Variants in DGAT2 observed in about 807,000 individuals in gnomAD.
DGAT2 encodes the protein acyl-CoA retinol O-fatty-acyltransferase.
Under a neutral mutation model 48.4 loss-of-function variants are expected in DGAT2, and 33 were observed. The observed-to-expected ratio is 0.68, with a 90% confidence interval of 0.52 to 0.91. The LOEUF (loss-of-function observed/expected upper bound fraction) is 0.91, where lower values mean the gene tolerates loss of function less well. Among genes scored for constraint, DGAT2 ranks in the 40% least tolerant of loss-of-function variants. The probability of loss-of-function intolerance (pLI) is 0.00; values close to 1 mark genes in which losing one functional copy is unlikely to be tolerated. For missense variants in DGAT2, 446 were observed against 493.7 expected (o/e 0.90, Z 0.92); for synonymous variants, 191 against 194.1 (o/e 0.98, Z 0.13).
chr11:75,777,183 C>A (rs1436067308), intron 1 of DGAT2, among the ~76,000 whole-genome samples: 1 of 151,266 alleles, frequency 6.6e-6, no homozygotes, highest in Non-Finnish European at 1.5e-5. Context: ...GCTGTTCACA[C>A]CTCTCTTAGC....
chr11:75,787,791 C>A (rs912785616), intron 2 of DGAT2, among the ~76,000 whole-genome samples: 1 of 152,160 alleles, frequency 6.6e-6, no homozygotes, highest in Non-Finnish European at 1.5e-5. Context: ...GGAGCTCGGG[C>A]TGAAGGGCTG....
chr11:75,796,869 T>C lies in DGAT2; in HGVS notation c.635-289T>C, dbSNP rs1590876517. On this transcript the variant is annotated intron_variant, in intron 5 of 7. Coordinates refer to ENST00000228027, the MANE Select transcript of DGAT2 (RefSeq NM_032564.5). ...TGAGACCTCCCACCAGACTGATGCA[T>C]TGGGATCCCCAACACCTCGCACCGA... 3 of 444,480 alleles carry C rather than the reference T, an allele frequency of 6.7e-6. No individual in the cohort carries two copies. In the East Asian group the frequency reaches 1.1e-4, roughly 17 times the overall value. The allele number at this position is 444,480 out of a possible 1,614,324, so 27.5% of individuals were successfully genotyped here. A position where few individuals can be genotyped will look rare whatever the true frequency, so the allele number is the denominator to read the frequency against.
At chr11:75,788,362 C>T (rs1423962256) in intron 2 of DGAT2, among the ~76,000 whole-genome samples, 1 of 152,202 alleles carries the variant, frequency 6.6e-6, no homozygotes, top group Non-Finnish European at 1.5e-5. Context: ...TTTTAACAGG[C>T]TCTTGTAGGC....
chr11:75,768,962 C>T lies in DGAT2; in HGVS notation c.-30C>T, dbSNP rs377138674. 1,263 of 1,463,964 alleles carry T rather than the reference C, an allele frequency of 8.6e-4. 2 individuals are homozygous for T. Among genetic ancestry groups the T allele is most frequent in the Non-Finnish European group, 1.1e-3 (1,195 of 1,109,902 alleles). The allele number at this position is 1,463,964 out of a possible 1,614,324, so 90.7% of individuals were successfully genotyped here. On this transcript the variant is annotated 5_prime_UTR_variant, in exon 1 of 8. Transcript: ENST00000228027. ...AGGGGCGCGGGGTGAAGCGGCTTCCCGCGGGGCCGTGACTGGGCGGGCTTC... is the reference window on the plus strand; with the variant it reads ...AGGGGCGCGGGGTGAAGCGGCTTCCTGCGGGGCCGTGACTGGGCGGGCTTC...
At chr11:75,779,031 C>T in intron 1 of DGAT2, among the ~76,000 whole-genome samples, 1 of 152,142 alleles carries the variant, frequency 6.6e-6, no homozygotes, top group Non-Finnish European at 1.5e-5. Flanking sequence ...CTGCTGCCCT[C>T]AGGCATGTGA....
At chr11:75,786,757 C>T (rs1439419016) in intron 2 of DGAT2, among the ~76,000 whole-genome samples, 1 of 152,222 alleles carries the variant, frequency 6.6e-6, no homozygotes, top group Non-Finnish European at 1.5e-5. Context: ...GGCAGAAGCT[C>T]ACCTGGCAAG....
chr11:75,794,143 G>A (rs1945021593), intron 4 of DGAT2: 1 of 152,260 alleles, frequency 6.6e-6, no homozygotes, highest in South Asian at 2.1e-4. Context: ...CATTTGCACA[G>A]ACTGGCAGCG....
chr11:75,792,742 G>GA (rs1399293824), intron 4 of DGAT2: 4 of 151,838 alleles, frequency 2.6e-5, no homozygotes, highest in African/African-American at 9.7e-5. Context: ...AGTGTAGGCA[G>GA]AATCCTTGGA....
intron 1 of DGAT2, among the ~76,000 whole-genome samples, chr11:75,778,394 AAC>A (rs1291365997): frequency 2.0e-5 from 3 of 152,158 alleles, no homozygotes; most frequent in Admixed American, 1.3e-4. Flanking sequence ...CTCTTCTTGT[AAC>A]ACAGACCTGT....
In DGAT2 at chr11:75,768,868, GC is replaced by G. The variant is rs1944726542; in HGVS notation, c.-122del. 1 of 1,249,354 alleles carries G rather than the reference GC, an allele frequency of 8.0e-7. No individual in the cohort carries two copies. The highest frequency in any genetic ancestry group is 1.0e-6 in the Non-Finnish European group (1 of 976,518). The allele number at this position is 1,249,354 out of a possible 1,614,324, so 77.4% of individuals were successfully genotyped here. On this transcript the variant is annotated 5_prime_UTR_variant, in exon 1 of 8. Coordinates refer to ENST00000228027, the MANE Select transcript of DGAT2 (RefSeq NM_032564.5). ...CAGCTCCAGGTGTCCTAGCCGCCCA[GC>G]CTCGACGCCGTCCCGGGACCCCTGT...
chr11:75,797,308 T>C lies in DGAT2; in HGVS notation c.785T>C (p.Phe262Ser). The change falls in exon 6 of 8, where the codon TTT becomes TCT. Residue 262 changes from phenylalanine (F) to serine (S), a missense_variant. By Grantham distance (155) the Phe-to-Ser change is radical (BLOSUM62 -2). Coordinates refer to ENST00000228027, the MANE Select transcript of DGAT2 (RefSeq NM_032564.5). ...NAVTLRNRKGFVKLALRHGAD... is the reference protein window; with the variant it reads ...NAVTLRNRKGSVKLALRHGAD... ...GTCACCCTGCGGAACCGCAAGGGCT[T>C]TGTGAAACTGGCCCTGCGTCATGGG... 6.5e-7 allele frequency: 1 copy of C among 1,532,216 alleles called. No individual in the cohort carries two copies. Among genetic ancestry groups the C allele is most frequent in the African/African-American group, 1.4e-5 (1 of 71,754 alleles). 94.9% of individuals were successfully genotyped at this position (1,532,216 alleles called of 1,614,324 possible). A position where few individuals can be genotyped will look rare whatever the true frequency, so the allele number is the denominator to read the frequency against.
chr11:75,797,324 G>T lies in DGAT2; in HGVS notation c.801G>T (p.Leu267=). 6.7e-7 allele frequency: 1 copy of T among 1,498,404 alleles called. No homozygotes were observed. Among genetic ancestry groups the T allele is most frequent in the East Asian group, 2.5e-5 (1 of 39,236 alleles). The allele number at this position is 1,498,404 out of a possible 1,614,324, so 92.8% of individuals were successfully genotyped here. Residue 267 remains leucine, a synonymous_variant, in exon 6 of 8, where the codon CTG becomes CTT. Transcript: ENST00000228027. The part of the protein sequence containing the change: ...RNRKGFVKLA[L]RHGADLVPIY... ...GCAAGGGCTTTGTGAAACTGGCCCT[G>T]CGTCATGGGTGAGTGCCTCCCTACA...
Position 75,796,533 on chromosome 11 carries a change from G to A in DGAT2, c.634+1G>A. On this transcript the variant is annotated splice_donor_variant, in intron 5 of 7. Coordinates refer to ENST00000228027, the MANE Select transcript of DGAT2 (RefSeq NM_032564.5). LOFTEE classifies it high-confidence loss of function. ...TTGAGGGAGTACCTGATGTCTGGAGGTAAGAATCCACCCCCTGTGCTCCTG... is the reference window on the plus strand; with the variant it reads ...TTGAGGGAGTACCTGATGTCTGGAGATAAGAATCCACCCCCTGTGCTCCTG... 1.9e-6 allele frequency: 3 copies of A among 1,611,504 alleles called. No individual in the cohort carries two copies. Among genetic ancestry groups the A allele is most frequent in the Non-Finnish European group, 2.5e-6 (3 of 1,179,398 alleles).
Position 75,797,140 on chromosome 11 carries a change from G to A in DGAT2, c.635-18G>A, listed in dbSNP as rs1296075915. On this transcript the variant is annotated intron_variant, in intron 5 of 7. Coordinates refer to ENST00000228027, the MANE Select transcript of DGAT2 (RefSeq NM_032564.5). ...ATCCATGGGCAACCCTGACTGTTGC[G>A]TCCTTCCCTCCCCTCAGGTATCTGC... The A allele has an allele frequency of 7.5e-6, 11 of 1,464,286 alleles. No individual in the cohort carries two copies. In the African/African-American group the frequency reaches 8.7e-5, roughly 12 times the overall value. 90.7% of individuals were successfully genotyped at this position (1,464,286 alleles called of 1,614,324 possible).
At chr11:75,784,492 G>A in intron 1 of DGAT2, 126 bp from the exon 2 acceptor site, 1 of 1,353,782 alleles carries the variant, frequency 7.4e-7, no homozygotes, top group Non-Finnish European at 1.0e-6. Flanking sequence ...ACCCAGGTCT[G>A]TCTGATTCTA....
chr11:75,800,529 C>T lies in DGAT2; in HGVS notation c.*21C>T, dbSNP rs2135783620. The T allele has an allele frequency of 1.2e-6, 2 of 1,611,322 alleles. No homozygotes were observed. Among genetic ancestry groups the T allele is most frequent in the Non-Finnish European group, 1.7e-6 (2 of 1,178,658 alleles). ...ACTGAGCCAGCCTTCGGGGCCAATT[C>T]CCTGGAGGAACCAGCTGCAAATCAC... On this transcript the variant is annotated 3_prime_UTR_variant, in exon 8 of 8. Transcript: ENST00000228027.
chr11:75,768,840 C>G lies in DGAT2; in HGVS notation c.-152C>G, dbSNP rs1030599939. On this transcript the variant is annotated 5_prime_UTR_variant, in exon 1 of 8. Coordinates refer to ENST00000228027, the MANE Select transcript of DGAT2 (RefSeq NM_032564.5). ...CTCTCGCGCCACCACTGGCCGCCGG[C>G]CGCAGCTCCAGGTGTCCTAGCCGCC... The G allele has an allele frequency of 1.9e-6, 2 of 1,026,310 alleles. No individual in the cohort carries two copies. Among genetic ancestry groups the G allele is most frequent in the African/African-American group, 3.4e-5 (2 of 59,304 alleles). 63.6% of individuals were successfully genotyped at this position (1,026,310 alleles called of 1,614,324 possible). A position where few individuals can be genotyped will look rare whatever the true frequency, so the allele number is the denominator to read the frequency against.
chr11:75,783,296 A>C (rs911644740), intron 1 of DGAT2, among the ~76,000 whole-genome samples: 1 of 152,196 alleles, frequency 6.6e-6, no homozygotes. Flanking sequence ...GCATCACACC[A>C]GGGAAAGGGG....
chr11:75,788,346 G>A (rs1193661367), intron 2 of DGAT2, among the ~76,000 whole-genome samples: 2 of 152,194 alleles, frequency 1.3e-5, no homozygotes, highest in African/African-American at 2.4e-5. Context: ...GCTTTTCACA[G>A]TTTGCTTTTA....
Sources: allele counts gnomAD v4.1 joint callset (sites outside exome capture counted in the v4.1 genomes callset), GRCh38; gene constraint gnomAD v4.1.1; transcripts MANE v1.5; gene names NCBI Gene and HGNC (gene_info 2026-07-23, HGNC 2026-07-21).